CRTC3: variants seen among roughly 807,000 people sequenced by gnomAD.
The protein encoded by CRTC3 is CREB-regulated transcription coactivator 3.
Under a neutral mutation model 74.5 loss-of-function variants are expected in CRTC3, and 26 were observed. The ratio of observed to expected loss-of-function variants is 0.35; its 90% CI spans 0.26 to 0.48. The LOEUF is 0.48. Among genes scored for constraint, CRTC3 ranks in the 20% least tolerant of loss-of-function variants. The pLI, the probability that CRTC3 is intolerant of heterozygous loss-of-function variation, is 0.99. For missense variants in CRTC3, 760 were observed against 787.3 expected, an observed-to-expected ratio of 0.97 and a Z score of 0.41; for synonymous variants, 377 against 325.8, an observed-to-expected ratio of 1.16 and a Z score of -1.69.
At chr15:90,612,045 C>CTCT (rs1440897433) in intron 6 of CRTC3, among the ~76,000 whole-genome samples, 1 of 145,004 alleles carries the variant, frequency 6.9e-6, no homozygotes, top group Admixed American at 6.9e-5. Flanking sequence ...CCTCCTCCTC[C>CTCT]TCCTCCTCCT....
rs907421330 is a variant in CRTC3, at chr15:90,577,145, C to T, written c.232-16491C>T. 3.3e-5 allele frequency among the ~76,000 whole-genome samples: 5 copies of T among 152,136 alleles called. No homozygotes were observed. The South Asian group carries it at 6.2e-4, about 19-fold the overall frequency. On this transcript the variant is annotated intron_variant, in intron 2 of 14. Coordinates refer to ENST00000268184, the MANE Select transcript of CRTC3 (RefSeq NM_022769.5). The stretch of plus-strand genomic sequence containing the variant: ...TCTTCCCAGCTGTGGCACATCCCAG[C>T]GGCAGTTAATCTTGCCACTTTCAAT...
At chr15:90,546,181 C>G (rs549489513) in intron 2 of CRTC3, among the ~76,000 whole-genome samples, 1 of 151,978 alleles carries the variant, frequency 6.6e-6, no homozygotes, top group African/African-American at 2.4e-5. Context: ...ATAGCTCTGT[C>G]TTTTACACTT....
chr15:90,621,587 T>C (rs111351864), intron 9 of CRTC3, among the ~76,000 whole-genome samples: 3,225 of 152,168 alleles, frequency 0.021, 127 homozygotes, highest in African/African-American at 0.074. Flanking sequence ...CCTCCCAAAG[T>C]GCTAGGATTA....
At chr15:90,640,707 A>C (rs891909838) in intron 13 of CRTC3, among the ~76,000 whole-genome samples, 4 of 151,902 alleles carry the variant, frequency 2.6e-5, no homozygotes, top group African/African-American at 9.7e-5. Context: ...GAAACCAAGG[A>C]AGAAGAGTCC....
chr15:90,579,644 T>TTTTTTTG (rs1967489892), intron 2 of CRTC3, among the ~76,000 whole-genome samples: 1 of 143,118 alleles, frequency 7.0e-6, no homozygotes, highest in Admixed American at 7.0e-5. Context: ...CTTTTTTTTT[T>TTTTTTTG]TTTTTTTTTT....
rs1321792301 is a variant in CRTC3 at position 90,643,929 on chromosome 15, T to C, written c.*1789T>C. 4.3e-6 allele frequency: 1 copy of C among 232,632 alleles called. No individual in the cohort carries two copies. Among genetic ancestry groups the C allele is most frequent in the East Asian group, 6.1e-5 (1 of 16,518 alleles). The allele number at this position is 232,632 out of a possible 1,614,324, so 14.4% of individuals were successfully genotyped here. ...GAATCTGGCACACCTGTCCCTTATG[T>C]AAAAGGAGTCGTGGTCACAAGACCC... On this transcript the variant is annotated 3_prime_UTR_variant, in exon 15 of 15. Coordinates refer to ENST00000268184, the MANE Select transcript of CRTC3 (RefSeq NM_022769.5).
intron 2 of CRTC3, among the ~76,000 whole-genome samples, chr15:90,575,762 T>C (rs1404314384): frequency 6.6e-6 from 1 of 152,254 alleles, no homozygotes; most frequent in Non-Finnish European, 1.5e-5. Context: ...TAATTCACTT[T>C]CATGCTGCTT....
At chr15:90,534,224 G>A (rs966452347) in intron 1 of CRTC3, among the ~76,000 whole-genome samples, 6 of 152,166 alleles carry the variant, frequency 3.9e-5, no homozygotes, top group Non-Finnish European at 8.8e-5. Flanking sequence ...TTTTGTGAAT[G>A]GGTGAGGAAG....
Position 90,644,964 on chromosome 15 carries a change from G to T in CRTC3, c.*2824G>T. On this transcript the variant is annotated 3_prime_UTR_variant, in exon 15 of 15. Transcript: ENST00000268184. ...TGGTTGTGGGTTTTAGGACATAGGG[G>T]GTTAGGAGAAGGGGTTTCTTGATCA... 1 of 232,440 alleles carries T rather than the reference G, an allele frequency of 4.3e-6. No individual in the cohort carries two copies. Among genetic ancestry groups the T allele is most frequent in the Non-Finnish European group, 8.5e-6 (1 of 117,564 alleles). The allele number at this position is 232,440 out of a possible 1,614,324, so 14.4% of individuals were successfully genotyped here. A position where few individuals can be genotyped will look rare whatever the true frequency, so the allele number is the denominator to read the frequency against.
Position 90,643,458 on chromosome 15 carries a change from G to C in CRTC3, c.*1318G>C, listed in dbSNP as rs1041209502. ...TTCTGAGTACATCCGGAAGGGCTGA[G>C]CAGGTGAGTGCCCTGAGCATCCTGG... is the stretch of plus-strand genomic sequence containing the variant. On this transcript the variant is annotated 3_prime_UTR_variant, in exon 15 of 15. Coordinates refer to ENST00000268184, the MANE Select transcript of CRTC3 (RefSeq NM_022769.5). 1 of 229,520 alleles carries C rather than the reference G, an allele frequency of 4.4e-6. No homozygotes were observed. Among genetic ancestry groups the C allele is most frequent in the Non-Finnish European group, 8.6e-6 (1 of 115,774 alleles). The allele number at this position is 229,520 out of a possible 1,614,324, so 14.2% of individuals were successfully genotyped here.
rs377228977 is a variant in CRTC3 at position 90,642,095 on chromosome 15, G to A, written c.1815G>A (p.Leu605=). 6.2e-7 allele frequency: 1 copy of A among 1,614,106 alleles called. No homozygotes were observed. The highest frequency in any genetic ancestry group is 1.3e-5 in the African/African-American group (1 of 75,068). Residue 605 remains leucine (L), a synonymous_variant, in exon 15 of 15, where the codon CTG becomes CTA. Coordinates refer to ENST00000268184, the MANE Select transcript of CRTC3 (RefSeq NM_022769.5). ...LNMLSDSSMG[L]LDPSVEETFR... ...TGTTAAGTGACTCCAGCATGGGCCT[G>A]CTGGACCCCTCTGTTGAAGAGACGT...
At chr15:90,640,961 C>A in intron 13 of CRTC3, 136 bp from the exon 14 acceptor site, 1 of 654,358 alleles carries the variant, frequency 1.5e-6, no homozygotes, top group Non-Finnish European at 2.8e-6. Flanking sequence ...AAGAGCAAAG[C>A]ACTCTGGGAT....
intron 4 of CRTC3, 49 bp from the exon 5 acceptor site, chr15:90,604,336 T>C (rs1968160500): frequency 2.0e-6 from 3 of 1,465,114 alleles, no homozygotes; most frequent in South Asian, 2.3e-5. Context: ...CCTCCTTTGC[T>C]GTCTGTGGAT....
chr15:90,610,093 T>C (rs1234143463), intron 6 of CRTC3, among the ~76,000 whole-genome samples: 1 of 152,244 alleles, frequency 6.6e-6, no homozygotes, highest in Admixed American at 6.5e-5. Context: ...GGAAATTATT[T>C]CTGGAGAATT....
At chr15:90,539,916 G>A (rs1227492169) in intron 1 of CRTC3, 123 bp from the exon 2 acceptor site, 5 of 718,618 alleles carry the variant, frequency 7.0e-6, no homozygotes, top group East Asian at 2.7e-5. Context: ...GATCACTTAC[G>A]TCGAGAAGAA....
At chr15:90,603,226 A>G (rs535372349) in intron 4 of CRTC3, among the ~76,000 whole-genome samples, 345 of 151,646 alleles carry the variant, frequency 2.3e-3, no homozygotes, top group Middle Eastern at 6.8e-3. Flanking sequence ...GGCAGATCAC[A>G]AGCTCAGGAG....
chr15:90,615,872 T>A (rs932552928), intron 7 of CRTC3, among the ~76,000 whole-genome samples: 2 of 151,898 alleles, frequency 1.3e-5, no homozygotes. Flanking sequence ...TTTTATTTTT[T>A]TTTTGGAGAC....
chr15:90,604,325 C>A, intron 4 of CRTC3, 60 bp from the exon 5 acceptor site: 1 of 1,312,674 alleles, frequency 7.6e-7, no homozygotes, highest in Non-Finnish European at 1.1e-6. Flanking sequence ...AGTGCTGAGG[C>A]CCTCCTTTGC....
chr15:90,635,862 C>A (rs1298854873), intron 11 of CRTC3, among the ~76,000 whole-genome samples: 1 of 151,952 alleles, frequency 6.6e-6, no homozygotes, highest in African/African-American at 2.4e-5. Flanking sequence ...ATGTGAAGGA[C>A]CTCTTCAAGG....
Sources: gnomAD v4.1 joint callset for allele counts (sites outside exome capture counted in the v4.1 genomes callset) on GRCh38, gnomAD v4.1.1 for gene constraint, MANE v1.5 for transcripts, NCBI Gene and HGNC (gene_info 2026-07-23, HGNC 2026-07-21) for gene names.